Variants in RPL3L observed in about 807,000 individuals in gnomAD.
RPL3L encodes the protein ribosomal protein L3 like, also known as ribosomal protein uL3-like.
RPL3L carries 44 observed loss-of-function variants against 44.5 expected under a neutral mutation model. The observed-to-expected ratio is 0.99, with a 90% CI of 0.78 to 1.27. The LOEUF is 1.27. Among genes scored for constraint, RPL3L ranks in the 50% most tolerant of loss-of-function variants. RPL3L has a pLI of 0.00. For missense variants in RPL3L, 631 were observed against 569.1 expected (o/e 1.11, Z -1.11); for synonymous variants, 292 against 230.7 (o/e 1.27, Z -2.41).
In RPL3L at chr16:1,947,103, G is replaced by A; in HGVS notation, c.689-5C>T. 1 of 1,613,462 alleles carries A rather than the reference G, an allele frequency of 6.2e-7. No homozygotes were observed. The highest frequency in any genetic ancestry group is 8.5e-7 in the Non-Finnish European group (1 of 1,179,972). On this transcript the variant is annotated splice_polypyrimidine_tract_variant and splice_region_variant and intron_variant, in intron 5 of 9. Transcript: ENST00000268661. ...TATGCCAGCGGCTTGTGACCCCTGT[G>A]AGTGAGAGGGGCTGGTGGCTGAGAG...
chr16:1,951,096 C>T (rs890470047), intron 3 of RPL3L, 117 bp from the exon 4 acceptor site: 1 of 1,383,242 alleles, frequency 7.2e-7, no homozygotes, highest in Non-Finnish European at 9.7e-7. Flanking sequence ...TGGGACCGCC[C>T]CCCACCCGGA....
At chr16:1,950,420 C>T (rs145410442) in intron 4 of RPL3L, among the ~76,000 whole-genome samples, 7 of 152,090 alleles carry the variant, frequency 4.6e-5, no homozygotes, top group African/African-American at 1.7e-4. Flanking sequence ...GGAAGCCTTC[C>T]CTGAGGACAA....
At chr16:1,947,407 C>A in intron 4 of RPL3L, 27 bp from the exon 5 acceptor site, 1 of 1,517,884 alleles carries the variant, frequency 6.6e-7, no homozygotes. Flanking sequence ...GAGGTCACGC[C>A]ACGGCCCACG....
At chr16:1,950,140 A>AGGTATGCAGGGGGCAGGTATGGACG (rs2083161804) in intron 4 of RPL3L, among the ~76,000 whole-genome samples, 2 of 73,934 alleles carry the variant, frequency 2.7e-5, no homozygotes, top group Non-Finnish European at 6.4e-5. Context: ...AGGTATGGAC[A>AGGTATGCAGGGGGCAGGTATGGACG]GGGCAGGTAT....
intron 8 of RPL3L, 80 bp downstream of exon 8, chr16:1,945,755 C>T: frequency 6.2e-7 from 1 of 1,605,752 alleles, no homozygotes; most frequent in Non-Finnish European, 8.5e-7. Context: ...ACCACTCCAT[C>T]CCGCTCGTAG....
rs199531307 is a variant in RPL3L, at chr16:1,946,715, G to A, written c.861C>T (p.Ile287=). ...RTELNKKIFR[I]GRGPHMEDGK... Reference sequence around the variant, plus strand: ...CGTCCTCCATGTGCGGGCCCCTGCCGATGCGGAAGATCTGCCAGAAGGGGG... The same window carrying A: ...CGTCCTCCATGTGCGGGCCCCTGCCAATGCGGAAGATCTGCCAGAAGGGGG... Residue 287 remains isoleucine (I), a synonymous_variant, in exon 7 of 10, where the codon ATC becomes ATT. Coordinates refer to ENST00000268661, the MANE Select transcript of RPL3L (RefSeq NM_005061.3). 85 of 1,612,534 alleles carry A rather than the reference G, an allele frequency of 5.3e-5. No individual in the cohort carries two copies. In the East Asian group the frequency reaches 9.1e-4, roughly 17 times the overall value.
chr16:1,949,290 A>G (rs1458652327), intron 4 of RPL3L, among the ~76,000 whole-genome samples: 4 of 84,386 alleles, frequency 4.7e-5, no homozygotes, highest in South Asian at 3.7e-4. Flanking sequence ...TTGAGACTCT[A>G]TCGCCCGGGC....
chr16:1,950,746 C>T (rs1228262814), intron 4 of RPL3L, 98 bp downstream of exon 4: 3 of 1,587,798 alleles, frequency 1.9e-6, no homozygotes, highest in Non-Finnish European at 2.6e-6. Flanking sequence ...TGCCGAGGCT[C>T]GGGTATTTTT....
At chr16:1,954,569 TCCCA>T in intron 1 of RPL3L, 56 bp downstream of exon 1, 1 of 1,506,440 alleles carries the variant, frequency 6.6e-7, no homozygotes, top group Non-Finnish European at 8.9e-7. Flanking sequence ...AGCCCAGCTG[TCCCA>T]CCCCCCCAGA....
At chr16:1,949,318 A>G (rs1365212327) in intron 4 of RPL3L, among the ~76,000 whole-genome samples, 3 of 116,840 alleles carry the variant, frequency 2.6e-5, no homozygotes, top group Non-Finnish European at 4.8e-5. Context: ...CCATGGTGCG[A>G]TCTTGGCTCA....
intron 4 of RPL3L, among the ~76,000 whole-genome samples, chr16:1,949,244 GTTTTTTTTTTTTTTCTTTTTT>G (rs1422907404): frequency 6.1e-5 from 5 of 81,964 alleles, no homozygotes; most frequent in South Asian, 4.4e-4. Context: ...CCTGATTTTT[GTTTTTTTTTTTTTTCTTTTTT>G]TTTTTTTTTT....
intron 4 of RPL3L, among the ~76,000 whole-genome samples, chr16:1,949,028 T>G (rs1293698965): frequency 8.6e-6 from 1 of 115,774 alleles, no homozygotes; most frequent in Non-Finnish European, 1.7e-5. Flanking sequence ...TTTTTTTTTG[T>G]AGAGATGGGG....
In RPL3L at chr16:1,947,388, A is replaced by C; in HGVS notation, c.502-8T>G. 6.4e-7 allele frequency: 1 copy of C among 1,566,602 alleles called. No homozygotes were observed. Among genetic ancestry groups the C allele is most frequent in the Non-Finnish European group, 8.6e-7 (1 of 1,158,012 alleles). ...GAAGGGCAGCAGTTTCATCTGCAGG[A>C]CATGGCCGGAGGTCACGCCACGGCC... On this transcript the variant is annotated splice_region_variant and splice_polypyrimidine_tract_variant and intron_variant, in intron 4 of 9. Coordinates refer to ENST00000268661, the MANE Select transcript of RPL3L (RefSeq NM_005061.3).
intron 4 of RPL3L, among the ~76,000 whole-genome samples, chr16:1,947,601 G>A (rs941264927): frequency 2.0e-5 from 3 of 152,244 alleles, no homozygotes; most frequent in Admixed American, 2.0e-4. Context: ...ATCTCACTGG[G>A]GGACAGAAGG....
intron 4 of RPL3L, 36 bp from the exon 5 acceptor site, chr16:1,947,416 C>G: frequency 6.7e-7 from 1 of 1,496,320 alleles, no homozygotes; most frequent in South Asian, 1.3e-5. Flanking sequence ...CCACGGCCCA[C>G]GGGATCACAC....
intron 3 of RPL3L, among the ~76,000 whole-genome samples, chr16:1,951,767 T>TTAC (rs2083173613): frequency 6.8e-6 from 1 of 147,178 alleles, no homozygotes; most frequent in South Asian, 2.2e-4. Flanking sequence ...ATTATTATTA[T>TTAC]TATTCCCATT....
Position 1,954,048 on chromosome 16 carries a change from TC to T in RPL3L, c.103del (p.Asp35MetfsTer19). ...GAGGTGCACGGGCTGGCTGGGGTCA[TC>T]CCGCGGCCACGTCTTCACCTTGCCC... ...HRGKVKTWPR[D>X]DPSQPVHLTA... On this transcript the variant is annotated frameshift_variant, in exon 2 of 10. Transcript: ENST00000268661. LOFTEE classifies it high-confidence loss of function. 1 of 1,607,674 alleles carries T rather than the reference TC, an allele frequency of 6.2e-7. No individual in the cohort carries two copies. Among genetic ancestry groups the T allele is most frequent in the South Asian group, 1.1e-5 (1 of 89,904 alleles).
chr16:1,948,937 A>G (rs1004410599), intron 4 of RPL3L, among the ~76,000 whole-genome samples: 2 of 151,036 alleles, frequency 1.3e-5, no homozygotes, highest in African/African-American at 4.9e-5. Flanking sequence ...GATGGTCTCA[A>G]TCTCCTGACC....
At chr16:1,954,287 C>A (rs1033042620) in intron 1 of RPL3L, 139 bp from the exon 2 acceptor site, 36 of 981,438 alleles carry the variant, frequency 3.7e-5, no homozygotes, top group East Asian at 6.0e-5. Context: ...TGTCTGCCTA[C>A]AGGAGGGGAG....
Sources: allele counts gnomAD v4.1 joint callset (sites outside exome capture counted in the v4.1 genomes callset), GRCh38; gene constraint gnomAD v4.1.1; transcripts MANE v1.5; gene names NCBI Gene and HGNC (gene_info 2026-07-23, HGNC 2026-07-21).